NUP42: variants seen among roughly 807,000 people sequenced by gnomAD.
NUP42 encodes the protein nucleoporin NUP42.
A neutral mutation model predicts 35.9 loss-of-function variants in NUP42; 47 were observed. The observed-to-expected ratio is 1.31, with a 90% confidence interval of 1.04 to 1.67. NUP42 has a LOEUF of 1.67. Ranked by LOEUF, NUP42 falls within the 40% of genes most tolerant of loss-of-function variation. The pLI, the probability that NUP42 is intolerant of heterozygous loss-of-function variation, is 0.00. For missense variants in NUP42, 514 were observed against 492.2 expected, an observed-to-expected ratio of 1.04 and a Z score of -0.42; for synonymous variants, 173 against 173.3, an observed-to-expected ratio of 1.00 and a Z score of 0.01.
chr7:23,184,047 TG>T (rs1448727911), intron 1 of NUP42, among the ~76,000 whole-genome samples: 3 of 152,028 alleles, frequency 2.0e-5, no homozygotes, highest in Non-Finnish European at 4.4e-5. Context: ...TAGGAAGTGA[TG>T]AGTAAATGAG....
At chr7:23,183,947 A>G (rs1466394017) in intron 1 of NUP42, among the ~76,000 whole-genome samples, 1 of 146,176 alleles carries the variant, frequency 6.8e-6, no homozygotes, top group Non-Finnish European at 1.5e-5. Flanking sequence ...ACAACTGGGC[A>G]TGTGTGTCAT....
intron 3 of NUP42, 112 bp from the exon 4 acceptor site, chr7:23,195,727 G>A (rs970681798): frequency 6.1e-6 from 4 of 654,934 alleles, no homozygotes; most frequent in African/African-American, 1.9e-5. Context: ...CTTCCTCATG[G>A]TTATGAAAAT....
chr7:23,182,235 A>G, intron 1 of NUP42, 29 bp downstream of exon 1: 1 of 1,577,894 alleles, frequency 6.3e-7, no homozygotes, highest in Non-Finnish European at 8.6e-7. Context: ...CTCCGCGGTA[A>G]CCGAGCCGGG....
chr7:23,187,183 A>G, intron 3 of NUP42, 37 bp downstream of exon 3: 1 of 1,380,512 alleles, frequency 7.2e-7, no homozygotes. Flanking sequence ...AGTATGTTCT[A>G]AAACTATTAT....
In NUP42 at chr7:23,182,789, C is replaced by T. The variant is rs190700072; in HGVS notation, c.121+583C>T. Among the ~76,000 whole-genome samples the T allele has an allele frequency of 2.3e-4, 35 of 149,108 alleles. 1 individual carries two copies. Among genetic ancestry groups the T allele is most frequent in the Admixed American group, 8.6e-4 (13 of 15,046 alleles). ...AATAGCCGGGCGTGGTGGCGCGCGCCTGTAATCCCAGCTACTCATGAGGCT... is the reference window on the plus strand; with the variant it reads ...AATAGCCGGGCGTGGTGGCGCGCGCTTGTAATCCCAGCTACTCATGAGGCT... On this transcript the variant is annotated intron_variant, in intron 1 of 6. Transcript: ENST00000258742.
In NUP42 at chr7:23,196,707, C is replaced by A; in HGVS notation, c.550C>A (p.Gln184Lys). 1.2e-6 allele frequency: 2 copies of A among 1,612,236 alleles called. No homozygotes were observed. The highest frequency in any genetic ancestry group is 2.2e-5 in the South Asian group (2 of 90,982). ...AAATTCTGTCCAACGTTTAATAAAT[C>A]AATGGAGGAACAGGGTAAATGAACT... ...YLNSVQRLINQWRNRVNELKS... is the reference protein window; with the variant it reads ...YLNSVQRLINKWRNRVNELKS... Residue 184 changes from glutamine to lysine, a missense_variant, in exon 5 of 7, where the codon CAA (glutamine) becomes AAA (lysine). By Grantham distance (53) the Gln-to-Lys change is moderately conservative (BLOSUM62 1). Transcript: ENST00000258742.
Position 23,196,766 on chromosome 7 carries a change from G to A in NUP42, c.609G>A (p.Leu203=), listed in dbSNP as rs1258611017. 1 of 1,580,496 alleles carries A rather than the reference G, an allele frequency of 6.3e-7. No individual in the cohort carries two copies. Among genetic ancestry groups the A allele is most frequent in the Non-Finnish European group, 8.7e-7 (1 of 1,149,888 alleles). ...TAAATATATCAACTAAAGTAGCTTT[G>A]GTGAGTATGGGAGAGTTTTCTTGAG... is the stretch of plus-strand genomic sequence containing the variant. ...KSLNISTKVA[L]LSDVKDGVNQ... Residue 203 remains leucine, a splice_region_variant and synonymous_variant, in exon 5 of 7, where the codon TTG becomes TTA. Transcript: ENST00000258742.
Position 23,187,066 on chromosome 7 carries a change from A to G in NUP42, c.365A>G (p.Lys122Arg). 6.3e-7 allele frequency: 1 copy of G among 1,587,272 alleles called. No homozygotes were observed. Among genetic ancestry groups the G allele is most frequent in the Admixed American group, 1.8e-5 (1 of 56,084 alleles). The part of the protein sequence containing the change: ...DEKKLLEGIV[K>R]DMEVWESSGQ... ...CTTTTTTGCAGGGAAGGAATTGTAAAAGATATGGAGGTTTGGGAATCATCA... is the reference window on the plus strand; with the variant it reads ...CTTTTTTGCAGGGAAGGAATTGTAAGAGATATGGAGGTTTGGGAATCATCA... The change falls in exon 3 of 7, where the codon AAA becomes AGA. Residue 122 changes from lysine to arginine, a missense_variant. Coordinates refer to ENST00000258742, the MANE Select transcript of NUP42 (RefSeq NM_007342.3).
intron 3 of NUP42, among the ~76,000 whole-genome samples, chr7:23,190,519 C>G (rs952635301): frequency 1.3e-5 from 2 of 152,092 alleles, no homozygotes; most frequent in African/African-American, 4.8e-5. Flanking sequence ...ATGTAAGTAA[C>G]CCTTGTAAAC....
chr7:23,200,378 C>T lies in NUP42; in HGVS notation c.905C>T (p.Ser302Leu). The change falls in exon 7 of 7, where the codon TCA (serine) becomes TTA (leucine). Residue 302 changes from serine to leucine, a missense_variant. Coordinates refer to ENST00000258742, the MANE Select transcript of NUP42 (RefSeq NM_007342.3). The part of the protein sequence containing the change: ...KPEVTSAASF[S>L]FKSPAASSFG... ...GAAGTCACATCGGCTGCATCATTTT[C>T]ATTCAAAAGCCCTGCAGCTTCCAGT... The T allele has an allele frequency of 6.2e-7, 1 of 1,614,026 alleles. No homozygotes were observed.
chr7:23,193,442 C>A (rs952544785), intron 3 of NUP42, among the ~76,000 whole-genome samples: 2 of 152,096 alleles, frequency 1.3e-5, no homozygotes, highest in Non-Finnish European at 2.9e-5. Flanking sequence ...ACTAGATTAG[C>A]TAGATACAGA....
intron 3 of NUP42, among the ~76,000 whole-genome samples, chr7:23,193,188 C>G (rs1030188997): frequency 6.6e-6 from 1 of 152,264 alleles, no homozygotes; most frequent in Admixed American, 6.5e-5. Context: ...AATGTGGACC[C>G]AAAGAGTGAG....
intron 3 of NUP42, chr7:23,188,102 G>A (rs777959601): frequency 1.1e-5 from 15 of 1,397,896 alleles, no homozygotes; most frequent in Non-Finnish European, 1.4e-5. Context: ...GTGTTCCTGG[G>A]CCTCCGTCCT....
At chr7:23,191,965 A>AT (rs2128473778) in intron 3 of NUP42, among the ~76,000 whole-genome samples, 2 of 152,296 alleles carry the variant, frequency 1.3e-5, no homozygotes, top group African/African-American at 4.8e-5. Flanking sequence ...CTCAAAAATA[A>AT]AAAACAAGTT....
intron 3 of NUP42, among the ~76,000 whole-genome samples, chr7:23,190,459 T>C (rs1174931622): frequency 3.9e-5 from 6 of 152,270 alleles, no homozygotes; most frequent in Middle Eastern, 3.2e-3. Flanking sequence ...TACTTTTAAA[T>C]GAATTAATAC....
chr7:23,189,708 G>A (rs1335533613), intron 3 of NUP42, among the ~76,000 whole-genome samples: 1 of 151,836 alleles, frequency 6.6e-6, no homozygotes, highest in East Asian at 1.9e-4. Context: ...GTCAGGAGAT[G>A]GAGACCATCC....
intron 3 of NUP42, chr7:23,187,932 C>CTGGGTG: frequency 2.5e-6 from 1 of 406,608 alleles, no homozygotes; most frequent in Non-Finnish European, 4.4e-6. Context: ...TTAGAATATT[C>CTGGGTG]TCTGTCTCTC....
Position 23,200,175 on chromosome 7 carries a change from A to C in NUP42, c.702A>C (p.Pro234=). Reference sequence around the variant, plus strand: ...TGTTGTTGTTGTTTGTAGGCTTTCCAGTCAATAACAGCAGCAGTGATAATG... The same window carrying C: ...TGTTGTTGTTGTTTGTAGGCTTTCCCGTCAATAACAGCAGCAGTGATAATG... ...QAATFMSPGF[P]VNNSSSDNAQ... The change falls in exon 7 of 7, where the codon CCA becomes CCC. Residue 234 remains proline, a synonymous_variant. Coordinates refer to ENST00000258742, the MANE Select transcript of NUP42 (RefSeq NM_007342.3). 6.4e-7 allele frequency: 1 copy of C among 1,555,598 alleles called. No homozygotes were observed. Among genetic ancestry groups the C allele is most frequent in the Non-Finnish European group, 8.7e-7 (1 of 1,150,020 alleles).
chr7:23,192,814 G>A (rs758467416), intron 3 of NUP42, among the ~76,000 whole-genome samples: 3 of 152,126 alleles, frequency 2.0e-5, no homozygotes, highest in Non-Finnish European at 2.9e-5. Flanking sequence ...ACTTGTACAG[G>A]GATGTATAAG....
Sources: allele counts gnomAD v4.1 joint callset (sites outside exome capture counted in the v4.1 genomes callset), GRCh38; gene constraint gnomAD v4.1.1; transcripts MANE v1.5; gene names NCBI Gene and HGNC (gene_info 2026-07-23, HGNC 2026-07-21).